Variants in PTPRM observed in about 807,000 individuals in gnomAD.
PTPRM encodes protein tyrosine phosphatase receptor type M.
In PTPRM, 47 loss-of-function variants were observed where a neutral mutation model predicts 186.7. The ratio of observed to expected loss-of-function variants is 0.25; its 90% CI spans 0.20 to 0.32. The LOEUF (loss-of-function observed/expected upper bound fraction) is 0.32. PTPRM is among the 10% of genes least tolerant of loss of function. The pLI, the probability that PTPRM is intolerant of heterozygous loss-of-function variation, is 1.00. For missense variants in PTPRM, 1,494 were observed against 1,865.0 expected, an observed-to-expected ratio of 0.80 and a Z score of 3.66; for synonymous variants, 668 against 674.9, an observed-to-expected ratio of 0.99 and a Z score of 0.16.
chr18:7,962,430 AG>A (rs2053743985), intron 7 of PTPRM, among the ~76,000 whole-genome samples: 1 of 152,198 alleles, frequency 6.6e-6, no homozygotes, highest in African/African-American at 2.4e-5. Context: ...AATATCTCTC[AG>A]TGTGCCTTAT....
chr18:7,831,605 C>T (rs2045762903), intron 2 of PTPRM, among the ~76,000 whole-genome samples: 1 of 152,060 alleles, frequency 6.6e-6, no homozygotes, highest in Non-Finnish European at 1.5e-5. Context: ...AAGCATTTGT[C>T]CTTTGTATTA....
chr18:8,180,681 C>A (rs2093560301), intron 14 of PTPRM, among the ~76,000 whole-genome samples: 1 of 152,142 alleles, frequency 6.6e-6, no homozygotes, highest in African/African-American at 2.4e-5. Flanking sequence ...AGCTTTCTTC[C>A]CTTACCGGTT....
At chr18:7,646,722 T>C (rs2038573207) in intron 1 of PTPRM, among the ~76,000 whole-genome samples, 3 of 152,188 alleles carry the variant, frequency 2.0e-5, no homozygotes, top group Non-Finnish European at 4.4e-5. Flanking sequence ...CAGGGACTGC[T>C]TGCACATCCT....
intron 2 of PTPRM, among the ~76,000 whole-genome samples, chr18:7,806,304 G>A (rs1380596254): frequency 6.6e-6 from 1 of 152,154 alleles, no homozygotes; most frequent in Non-Finnish European, 1.5e-5. Flanking sequence ...GGACTTCCAC[G>A]AGGATAAAGG....
At chr18:7,700,493 C>G (rs2039936574) in intron 1 of PTPRM, among the ~76,000 whole-genome samples, 1 of 152,198 alleles carries the variant, frequency 6.6e-6, no homozygotes. Context: ...TAGGTGGCAC[C>G]TTCTAGACTG....
intron 1 of PTPRM, among the ~76,000 whole-genome samples, chr18:7,737,565 G>C (rs187202772): frequency 2.0e-5 from 3 of 152,220 alleles, no homozygotes; most frequent in Non-Finnish European, 4.4e-5. Context: ...CAACCAGTGT[G>C]CATCTGGCTA....
At chr18:7,973,709 T>C (rs2054732587) in intron 7 of PTPRM, among the ~76,000 whole-genome samples, 1 of 152,134 alleles carries the variant, frequency 6.6e-6, no homozygotes, top group South Asian at 2.1e-4. Context: ...AATTTATCAA[T>C]TATATCTTTT....
At chr18:7,861,350 G>A (rs1004937041) in intron 2 of PTPRM, among the ~76,000 whole-genome samples, 4 of 152,092 alleles carry the variant, frequency 2.6e-5, no homozygotes, top group African/African-American at 9.7e-5. Context: ...AACACACTCA[G>A]TATTTATAGT....
chr18:7,698,982 C>T (rs2039901225), intron 1 of PTPRM, among the ~76,000 whole-genome samples: 2 of 152,202 alleles, frequency 1.3e-5, no homozygotes, highest in Admixed American at 1.3e-4. Flanking sequence ...CAGTACCAGT[C>T]CTTGGCCTGT....
chr18:8,006,219 A>G (rs2084177379), intron 7 of PTPRM, among the ~76,000 whole-genome samples: 1 of 152,202 alleles, frequency 6.6e-6, no homozygotes, highest in South Asian at 2.1e-4. Context: ...ACTAGCTCAT[A>G]TCTTCTGTCC....
intron 14 of PTPRM, among the ~76,000 whole-genome samples, chr18:8,196,713 G>A (rs879319968): frequency 3.3e-5 from 5 of 152,322 alleles, no homozygotes; most frequent in South Asian, 2.1e-4. Context: ...CAGCACTGAC[G>A]TTTCTAAATT....
intron 1 of PTPRM, among the ~76,000 whole-genome samples, chr18:7,646,149 G>A (rs979230220): frequency 6.6e-6 from 1 of 152,172 alleles, no homozygotes; most frequent in African/African-American, 2.4e-5. Flanking sequence ...AGGATTTGAA[G>A]TGAGCTGTGT....
chr18:8,369,399 C>G (rs1423349137), intron 23 of PTPRM, among the ~76,000 whole-genome samples: 1 of 152,168 alleles, frequency 6.6e-6, no homozygotes, highest in Admixed American at 6.5e-5. Context: ...TGCAGGAAGA[C>G]AGTAGAGCCT....
At chr18:8,348,192 A>G (rs1195981510) in intron 23 of PTPRM, among the ~76,000 whole-genome samples, 2 of 152,270 alleles carry the variant, frequency 1.3e-5, no homozygotes, top group African/African-American at 4.8e-5. Flanking sequence ...AGCATGAGCT[A>G]GGCGGATGCG....
chr18:7,583,659 G>A (rs1436186806), intron 1 of PTPRM, among the ~76,000 whole-genome samples: 1 of 152,178 alleles, frequency 6.6e-6, no homozygotes, highest in Non-Finnish European at 1.5e-5. Flanking sequence ...GAAATTAATT[G>A]GTTAGAGAAT....
chr18:7,744,856 T>G (rs2040952868), intron 1 of PTPRM, among the ~76,000 whole-genome samples: 2 of 152,180 alleles, frequency 1.3e-5, no homozygotes, highest in Non-Finnish European at 2.9e-5. Flanking sequence ...CTAAGTGTAT[T>G]TAAATTCTTA....
chr18:7,626,998 C>T (rs1227480158), intron 1 of PTPRM, among the ~76,000 whole-genome samples: 1 of 152,136 alleles, frequency 6.6e-6, no homozygotes, highest in Non-Finnish European at 1.5e-5. Context: ...AGCTCACTCT[C>T]CCCTCGGCAC....
chr18:8,160,017 T>C (rs1198641756), intron 14 of PTPRM, among the ~76,000 whole-genome samples: 1 of 152,006 alleles, frequency 6.6e-6, no homozygotes, highest in African/African-American at 2.4e-5. Context: ...TTTAATATAT[T>C]AAAATAGTTG....
chr18:8,353,250 T>A (rs1296377714), intron 23 of PTPRM, among the ~76,000 whole-genome samples: 1 of 152,204 alleles, frequency 6.6e-6, no homozygotes, highest in Non-Finnish European at 1.5e-5. Context: ...TGATGAGGAT[T>A]TGAAATGTGT....
Sources: allele counts gnomAD v4.1 joint callset (sites outside exome capture counted in the v4.1 genomes callset), GRCh38; gene constraint gnomAD v4.1.1; transcripts MANE v1.5; gene names NCBI Gene and HGNC (gene_info 2026-07-23, HGNC 2026-07-21).